The following SLC35D4 variants were observed in gnomAD, a reference collection of about 807,000 sequenced individuals.
SLC35D4 encodes UDP-N-acetylglucosamine transporter SLC35D4.
the SLC35D4 span, among the ~76,000 whole-genome samples, chr18:23,335,649 T>C: frequency 6.6e-6 from 1 of 152,200 alleles, no homozygotes; most frequent in Non-Finnish European, 1.5e-5. Context: ...GAATTCCACC[T>C]TTCTCTGTTT....
chr18:23,430,603 G>A, the SLC35D4 span: 1 of 1,569,148 alleles, frequency 6.4e-7, no homozygotes, highest in Non-Finnish European at 8.7e-7. Context: ...TCCTAAAAAT[G>A]TATATAAAGA....
chr18:23,370,938 C>G, the SLC35D4 span, among the ~76,000 whole-genome samples: 2 of 152,062 alleles, frequency 1.3e-5, no homozygotes, highest in African/African-American at 2.4e-5. Context: ...AATAGAAAAC[C>G]AATCCAGAAA....
chr18:23,398,666 A>C, the SLC35D4 span, among the ~76,000 whole-genome samples: 1 of 152,232 alleles, frequency 6.6e-6, no homozygotes, highest in Non-Finnish European at 1.5e-5. Context: ...CCTCACTGCT[A>C]TTTTGCAACT....
At chr18:23,428,576 G>C in the SLC35D4 span, among the ~76,000 whole-genome samples, 2 of 152,022 alleles carry the variant, frequency 1.3e-5, no homozygotes, top group Non-Finnish European at 2.9e-5. Context: ...GGAGTACAGT[G>C]GCATGATTAC....
At chr18:23,376,090 G>A in the SLC35D4 span, among the ~76,000 whole-genome samples, 4 of 152,326 alleles carry the variant, frequency 2.6e-5, no homozygotes, top group African/African-American at 9.6e-5. Flanking sequence ...AAGGATCAAA[G>A]GCGTGAACAA....
the SLC35D4 span, among the ~76,000 whole-genome samples, chr18:23,434,452 A>G: frequency 6.6e-6 from 1 of 152,170 alleles, no homozygotes; most frequent in Non-Finnish European, 1.5e-5. Context: ...TTCATCTAAT[A>G]CATAGATGCA....
the SLC35D4 span, among the ~76,000 whole-genome samples, chr18:23,300,896 G>A: frequency 1.3e-5 from 2 of 152,196 alleles, no homozygotes; most frequent in African/African-American, 2.4e-5. Context: ...ATGAGGGACC[G>A]AAGCCTCCAT....
At chr18:23,398,765 G>A in the SLC35D4 span, among the ~76,000 whole-genome samples, 3 of 152,142 alleles carry the variant, frequency 2.0e-5, no homozygotes, top group African/African-American at 7.2e-5. Flanking sequence ...TGAGATCTAA[G>A]GGGCTAACAT....
At chr18:23,327,483 T>C in the SLC35D4 span, among the ~76,000 whole-genome samples, 1 of 151,964 alleles carries the variant, frequency 6.6e-6, no homozygotes, top group Non-Finnish European at 1.5e-5. Flanking sequence ...ACATACACCC[T>C]CCCAAGACTA....
the SLC35D4 span, among the ~76,000 whole-genome samples, chr18:23,423,942 AAGGAGCTGGGAC>A: frequency 5.9e-5 from 9 of 152,154 alleles, no homozygotes; most frequent in Non-Finnish European, 1.3e-4. Context: ...CGTCAATCAT[AAGGAGCTGGGAC>A]TTCAAACTGG....
the SLC35D4 span, among the ~76,000 whole-genome samples, chr18:23,251,903 T>C: frequency 0.12 from 17,812 of 152,040 alleles, 1,243 homozygotes; most frequent in Middle Eastern, 0.22. Flanking sequence ...CTGGCCAACA[T>C]GGTGAAACTC....
the SLC35D4 span, among the ~76,000 whole-genome samples, chr18:23,318,309 G>C: frequency 6.6e-6 from 1 of 152,136 alleles, no homozygotes; most frequent in East Asian, 1.9e-4. Flanking sequence ...AGGTATAACA[G>C]TTCTTTATAT....
At chr18:23,304,439 AATAT>A in the SLC35D4 span, among the ~76,000 whole-genome samples, 2 of 147,908 alleles carry the variant, frequency 1.4e-5, no homozygotes, top group East Asian at 3.9e-4. Flanking sequence ...AATATAATAA[AATAT>A]ATATAATTCT....
the SLC35D4 span, among the ~76,000 whole-genome samples, chr18:23,256,274 C>T: frequency 1.3e-5 from 2 of 152,222 alleles, no homozygotes; most frequent in Non-Finnish European, 2.9e-5. Context: ...CTTTCCAGCT[C>T]CAGCAGCCCC....
chr18:23,248,538 TA>T, the SLC35D4 span, among the ~76,000 whole-genome samples: 26 of 93,600 alleles, frequency 2.8e-4, no homozygotes, highest in Admixed American at 8.3e-4. Flanking sequence ...TTTTTTTTTT[TA>T]AAAAAAGGCT....
chr18:23,397,528 A>G, the SLC35D4 span, among the ~76,000 whole-genome samples: 1 of 152,230 alleles, frequency 6.6e-6, no homozygotes, highest in East Asian at 1.9e-4. Context: ...TGAGTGTAAT[A>G]CTGGAGCCTC....
chr18:23,317,339 C>G, the SLC35D4 span, among the ~76,000 whole-genome samples: 28 of 152,144 alleles, frequency 1.8e-4, no homozygotes, highest in South Asian at 4.1e-4. Flanking sequence ...AAAGTATCCA[C>G]AAAATTGCCA....
chr18:23,358,941 T>C, the SLC35D4 span, among the ~76,000 whole-genome samples: 2 of 152,190 alleles, frequency 1.3e-5, no homozygotes, highest in Non-Finnish European at 2.9e-5. Context: ...TGTTAGTGAC[T>C]GTGCTATAAA....
the SLC35D4 span, among the ~76,000 whole-genome samples, chr18:23,255,423 C>T: frequency 5.3e-5 from 8 of 152,206 alleles, no homozygotes; most frequent in African/African-American, 7.2e-5. Flanking sequence ...TTTAGGTCGG[C>T]GCTTTACAGA....
Sources: allele counts gnomAD v4.1 joint callset (sites outside exome capture counted in the v4.1 genomes callset), GRCh38; gene constraint gnomAD v4.1.1; transcripts MANE v1.5; gene names NCBI Gene and HGNC (gene_info 2026-07-23, HGNC 2026-07-21).